Variants in KLF15 observed in about 807,000 individuals in gnomAD.
The protein encoded by KLF15 is KLF transcription factor 15.
A neutral mutation model predicts 24.6 loss-of-function variants in KLF15; 4 were observed. The observed-to-expected ratio is 0.16, with a 90% confidence interval of 0.08 to 0.37. The LOEUF (loss-of-function observed/expected upper bound fraction) is 0.37. Among genes scored for constraint, KLF15 ranks in the 10% least tolerant of loss-of-function variants. The pLI is 1.00. For missense variants in KLF15, 496 were observed against 560.6 expected (o/e 0.88, Z 1.16); for synonymous variants, 246 against 236.3 (o/e 1.04, Z -0.37).
At chr3:126,293,792 G>T in the KLF15 span, 1 of 152,216 alleles carries the variant, frequency 6.6e-6, no homozygotes, top group Non-Finnish European at 1.5e-5. Context: ...ACTCACTTTC[G>T]AAAGTGTCCC....
chr3:126,339,441 C>A (rs2082462875), downstream of KLF15, among the ~76,000 whole-genome samples: 2 of 152,210 alleles, frequency 1.3e-5, no homozygotes, highest in African/African-American at 4.8e-5. Context: ...TTTCTCGTGC[C>A]CTCCCGGCCC....
the KLF15 span, among the ~76,000 whole-genome samples, chr3:126,312,245 C>T: frequency 1.3e-5 from 2 of 152,196 alleles, no homozygotes; most frequent in Admixed American, 1.3e-4. Context: ...TGATGCAAGG[C>T]TCACTGCAGC....
the KLF15 span, among the ~76,000 whole-genome samples, chr3:126,333,356 C>G: frequency 6.7e-6 from 1 of 149,090 alleles, no homozygotes; most frequent in African/African-American, 2.5e-5. Context: ...AAATACTTCA[C>G]AGACAAGCAA....
chr3:126,315,469 A>C, the KLF15 span, among the ~76,000 whole-genome samples: 2 of 152,158 alleles, frequency 1.3e-5, no homozygotes, highest in African/African-American at 4.8e-5. Context: ...GGCGGGACCT[A>C]GGGCCACATC....
At chr3:126,349,089 G>T (rs1322355450) in intron 2 of KLF15, among the ~76,000 whole-genome samples, 1 of 152,096 alleles carries the variant, frequency 6.6e-6, no homozygotes, top group African/African-American at 2.4e-5. Flanking sequence ...AGCTGCAGGG[G>T]CTCCCTCTCA....
At chr3:126,340,559 C>A (rs1010133261), downstream of KLF15, among the ~76,000 whole-genome samples, 1 of 152,228 alleles carries the variant, frequency 6.6e-6, no homozygotes. Context: ...GTTATAGTAG[C>A]CTAACTCATA....
chr3:126,336,213 G>A, the KLF15 span, among the ~76,000 whole-genome samples: 1 of 123,430 alleles, frequency 8.1e-6, no homozygotes, highest in Non-Finnish European at 1.7e-5. Flanking sequence ...CATGGTACTG[G>A]TACCAAAACA....
chr3:126,293,141 C>G, the KLF15 span, among the ~76,000 whole-genome samples: 24 of 95,732 alleles, frequency 2.5e-4, no homozygotes, highest in African/African-American at 8.8e-4. Context: ...AAGACTGCAT[C>G]TCTAAAAAAA....
chr3:126,335,223 C>T, the KLF15 span, among the ~76,000 whole-genome samples: 62 of 143,058 alleles, frequency 4.3e-4, no homozygotes, highest in African/African-American at 1.4e-3. Context: ...AGCTTATCCA[C>T]CATGATCAAG....
the KLF15 span, among the ~76,000 whole-genome samples, chr3:126,313,725 A>G: frequency 4.6e-5 from 7 of 152,156 alleles, no homozygotes; most frequent in African/African-American, 1.7e-4. Flanking sequence ...TGTATGAGCT[A>G]CTTATTGCTA....
chr3:126,327,705 C>T, the KLF15 span, among the ~76,000 whole-genome samples: 1 of 152,152 alleles, frequency 6.6e-6, no homozygotes, highest in Non-Finnish European at 1.5e-5. Context: ...GAAACTGAAG[C>T]CTGCATGTCA....
At chr3:126,331,169 G>A in the KLF15 span, among the ~76,000 whole-genome samples, 10 of 152,158 alleles carry the variant, frequency 6.6e-5, no homozygotes, top group African/African-American at 1.4e-4. Flanking sequence ...CCCCCATCAT[G>A]AGCCCCTCTT....
intron 2 of KLF15, among the ~76,000 whole-genome samples, chr3:126,350,638 C>T (rs1356569878): frequency 3.9e-5 from 6 of 152,252 alleles, no homozygotes; most frequent in African/African-American, 7.2e-5. Context: ...AACTGCTCCC[C>T]GGGTGTTGCA....
At chr3:126,295,459 G>A in the KLF15 span, among the ~76,000 whole-genome samples, 8 of 152,254 alleles carry the variant, frequency 5.3e-5, no homozygotes, top group South Asian at 2.1e-4. Context: ...TAGTTTCCCC[G>A]TTGGTTTGGT....
At chr3:126,350,264 G>T (rs2082572324) in intron 2 of KLF15, among the ~76,000 whole-genome samples, 1 of 152,234 alleles carries the variant, frequency 6.6e-6, no homozygotes, top group Non-Finnish European at 1.5e-5. Flanking sequence ...CAACCTGTCA[G>T]CCATGCACCC....
the KLF15 span, among the ~76,000 whole-genome samples, chr3:126,298,721 G>C: frequency 2.6e-5 from 4 of 152,050 alleles, no homozygotes; most frequent in African/African-American, 9.7e-5. Flanking sequence ...GTTGAACAGG[G>C]TGTCCTTTCC....
chr3:126,352,512 G>C lies in KLF15; in HGVS notation c.411C>G (p.Phe137Leu). The stretch of plus-strand genomic sequence containing the variant: ...CTTCAATCTCCTCCAGGGTAGGCTG[G>C]AAGGGCCGTGGGACGTCATCAGGAT... ...LGDPDDVPRPFQPTLEEIEEF... is the reference protein window; with the variant it reads ...LGDPDDVPRPLQPTLEEIEEF... The change falls in exon 2 of 3, where the codon TTC becomes TTG. Residue 137 changes from phenylalanine (F) to leucine (L), a missense_variant. Coordinates refer to ENST00000296233, the MANE Select transcript of KLF15 (RefSeq NM_014079.4). 1.2e-6 allele frequency: 2 copies of C among 1,613,220 alleles called. No individual in the cohort carries two copies. The highest frequency in any genetic ancestry group is 1.7e-6 in the Non-Finnish European group (2 of 1,180,022).
chr3:126,301,790 T>C, the KLF15 span, among the ~76,000 whole-genome samples: 2 of 151,998 alleles, frequency 1.3e-5, no homozygotes, highest in East Asian at 3.9e-4. Flanking sequence ...AATTTTTGTT[T>C]TTTTAGTAGA....
the KLF15 span, among the ~76,000 whole-genome samples, chr3:126,291,499 T>C: frequency 6.6e-6 from 1 of 152,228 alleles, no homozygotes; most frequent in East Asian, 1.9e-4. Context: ...TTGAGATAAA[T>C]TAAAGAGTGT....
Sources: gnomAD v4.1 joint callset for allele counts (sites outside exome capture counted in the v4.1 genomes callset) on GRCh38, gnomAD v4.1.1 for gene constraint, MANE v1.5 for transcripts, NCBI Gene and HGNC (gene_info 2026-07-23, HGNC 2026-07-21) for gene names.